The following FARP1 variants were observed in gnomAD, a reference collection of about 807,000 sequenced individuals.
FARP1 encodes FERM, ARH/RhoGEF and pleckstrin domain protein 1.
A neutral mutation model predicts 128.8 loss-of-function variants in FARP1; 52 were observed. That is an observed-to-expected ratio of 0.40 (90% confidence interval 0.32 to 0.51). FARP1 has a LOEUF of 0.51. Ranked by LOEUF, FARP1 falls within the 20% of genes least tolerant of loss-of-function variation. FARP1 has a pLI of 0.45. For synonymous variants in FARP1, 580 were observed against 551.8 expected (o/e 1.05, Z -0.72); for missense variants, 1,333 against 1,367.9 (o/e 0.97, Z 0.40).
At chr13:98,186,179 T>C (rs1434812179) in intron 1 of FARP1, among the ~76,000 whole-genome samples, 3 of 152,124 alleles carry the variant, frequency 2.0e-5, no homozygotes. Flanking sequence ...CGATCTTGGC[T>C]CACCGCAACC....
intron 2 of FARP1, among the ~76,000 whole-genome samples, chr13:98,224,629 A>G (rs1012106393): frequency 1.3e-5 from 2 of 151,220 alleles, no homozygotes; most frequent in African/African-American, 2.4e-5. Flanking sequence ...CTGAGTCCCT[A>G]TCTTCTTGAC....
At chr13:98,200,062 A>C (rs1417222747) in intron 1 of FARP1, among the ~76,000 whole-genome samples, 1 of 152,216 alleles carries the variant, frequency 6.6e-6, no homozygotes, top group Non-Finnish European at 1.5e-5. Context: ...CGAATCAGTG[A>C]AAGTGCAAAG....
At chr13:98,153,056 T>C (rs1876131600) in intron 1 of FARP1, among the ~76,000 whole-genome samples, 1 of 151,866 alleles carries the variant, frequency 6.6e-6, no homozygotes, top group Non-Finnish European at 1.5e-5. Context: ...TTAGGAACTT[T>C]GTGAGGAACT....
Position 98,440,663 on chromosome 13 carries a change from C to A in FARP1, c.2630-7C>A. ...TCAGAAGTGCTGCCTTTTGCCCCAT[C>A]CTGTAGAGTCCCCTGATGAAGCCAC... On this transcript the variant is annotated splice_region_variant and splice_polypyrimidine_tract_variant and intron_variant, in intron 23 of 26. Coordinates refer to ENST00000319562, the MANE Select transcript of FARP1 (RefSeq NM_005766.4). The A allele has an allele frequency of 6.2e-7, 1 of 1,610,930 alleles. No individual in the cohort carries two copies. The highest frequency in any genetic ancestry group is 8.5e-7 in the Non-Finnish European group (1 of 1,178,588).
At position 98,453,000 on chromosome 13, in the gene FARP1, G is replaced by A; in HGVS notation, c.*4683G>A. The stretch of plus-strand genomic sequence containing the variant: ...CCCACCCATCTGAGAGACTTCATCT[G>A]GCTGCAGCACAGTGAAGACTGTGTG... On this transcript the variant is annotated 3_prime_UTR_variant, in exon 27 of 27. Transcript: ENST00000319562. 1.7e-6 allele frequency: 1 copy of A among 571,504 alleles called. No individual in the cohort carries two copies. Among genetic ancestry groups the A allele is most frequent in the South Asian group, 2.6e-5 (1 of 38,194 alleles). The allele number at this position is 571,504 out of a possible 1,614,324, so 35.4% of individuals were successfully genotyped here. A position where few individuals can be genotyped will look rare whatever the true frequency, so the allele number is the denominator to read the frequency against.
At chr13:98,162,147 AC>A (rs1876931268) in intron 1 of FARP1, among the ~76,000 whole-genome samples, 1 of 152,100 alleles carries the variant, frequency 6.6e-6, no homozygotes, top group Admixed American at 6.6e-5. Flanking sequence ...TTTGGGATTC[AC>A]TTTCTATTAA....
At chr13:98,222,623 T>TA (rs1491272479) in intron 2 of FARP1, among the ~76,000 whole-genome samples, 3 of 142,826 alleles carry the variant, frequency 2.1e-5, no homozygotes, top group Non-Finnish European at 4.6e-5. Flanking sequence ...TGGAGGGTGC[T>TA]TTTTTTTTTT....
chr13:98,322,502 T>C (rs903026822), intron 2 of FARP1, among the ~76,000 whole-genome samples: 1 of 152,182 alleles, frequency 6.6e-6, no homozygotes, highest in Non-Finnish European at 1.5e-5. Context: ...TTCATCTTGC[T>C]TGCAAGAGCC....
rs1000263973 is a variant in FARP1, at chr13:98,385,907, C to G, written c.759+93C>G. 50 of 1,331,244 alleles carry G rather than the reference C, an allele frequency of 3.8e-5. No individual in the cohort carries two copies. The African/African-American group carries it at 7.1e-4, about 19-fold the overall frequency. 82.5% of individuals were successfully genotyped at this position (1,331,244 alleles called of 1,614,324 possible). ...TGATTCATATTCAGTGGGCTAAGAC[C>G]TCTGATGGTTATTTTTCGGCGAACA... is the stretch of plus-strand genomic sequence containing the variant. On this transcript the variant is annotated intron_variant, in intron 8 of 26. Coordinates refer to ENST00000319562, the MANE Select transcript of FARP1 (RefSeq NM_005766.4).
chr13:98,190,740 T>G (rs1168571195), intron 1 of FARP1, among the ~76,000 whole-genome samples: 1 of 151,390 alleles, frequency 6.6e-6, no homozygotes, highest in African/African-American at 2.4e-5. Context: ...TAAGTTTTTT[T>G]TTTTTTTTTT....
chr13:98,176,761 G>C lies in FARP1; in HGVS notation c.-24+33269G>C, dbSNP rs768653186. The stretch of plus-strand genomic sequence containing the variant: ...GGAGTTGCCCATGGACGTGTCCTTG[G>C]GCTTCAGGTACCTCAGGTAGCTGTG... On this transcript the variant is annotated intron_variant, in intron 1 of 26. Transcript: ENST00000319562. This position sits in a 1 kb window ranked among gnomAD's most constrained non-coding sequence, Gnocchi z 6.2. 1 of 1,614,002 alleles carries C rather than the reference G, an allele frequency of 6.2e-7. No individual in the cohort carries two copies.
chr13:98,421,563 T>C (rs1594517274), intron 16 of FARP1, among the ~76,000 whole-genome samples: 1 of 152,328 alleles, frequency 6.6e-6, no homozygotes, highest in East Asian at 1.9e-4. Flanking sequence ...ATTATTTAAG[T>C]TCCAGATAAC....
intron 2 of FARP1, among the ~76,000 whole-genome samples, chr13:98,226,330 A>G (rs967401345): frequency 2.3e-4 from 35 of 152,152 alleles, no homozygotes; most frequent in African/African-American, 7.7e-4. Flanking sequence ...TTGCTGCGCA[A>G]GTGTTTCTGT....
chr13:98,263,067 C>T (rs182583959), intron 2 of FARP1, among the ~76,000 whole-genome samples: 5 of 152,084 alleles, frequency 3.3e-5, no homozygotes, highest in Non-Finnish European at 5.9e-5. Context: ...GGAGTGCCGT[C>T]GCGCAATCTC....
chr13:98,216,256 A>G (rs1881056219), intron 2 of FARP1, among the ~76,000 whole-genome samples: 1 of 152,232 alleles, frequency 6.6e-6, no homozygotes, highest in Non-Finnish European at 1.5e-5. Context: ...GGCCAGCAGC[A>G]GCTGAAAGGC....
intron 24 of FARP1, among the ~76,000 whole-genome samples, chr13:98,441,409 G>A (rs547353438): frequency 1.3e-5 from 2 of 152,206 alleles, no homozygotes; most frequent in African/African-American, 2.4e-5. Flanking sequence ...CCAGAGGTCC[G>A]GCGAAAACCG....
chr13:98,428,056 G>A (rs3783014), intron 17 of FARP1, among the ~76,000 whole-genome samples: 9,777 of 150,224 alleles, frequency 0.065, 633 homozygotes, highest in East Asian at 0.29. Flanking sequence ...TTCCCGCTTC[G>A]CTCCCACCCC....
intron 26 of FARP1, chr13:98,447,947 T>TCTCCCCAGCAACCA (rs1555298648): frequency 3.0e-4 from 140 of 460,390 alleles, no homozygotes; most frequent in African/African-American, 2.4e-3. Flanking sequence ...GAGGTAGCGT[T>TCTCCCCAGCAACCA]CTCCCCAGCA....
At chr13:98,196,382 G>A (rs1245389120) in intron 1 of FARP1, among the ~76,000 whole-genome samples, 1 of 152,184 alleles carries the variant, frequency 6.6e-6, no homozygotes, top group Non-Finnish European at 1.5e-5. Context: ...TTAATCTCTT[G>A]TGTCTCAGTT....
Sources: allele counts gnomAD v4.1 joint callset (sites outside exome capture counted in the v4.1 genomes callset), GRCh38; gene constraint gnomAD v4.1.1; non-coding constraint Gnocchi (gnomAD v3.1); transcripts MANE v1.5; gene names NCBI Gene and HGNC (gene_info 2026-07-23, HGNC 2026-07-21).